Variants in ACSL1 observed in about 807,000 individuals in gnomAD.
The protein encoded by ACSL1 is acyl-CoA synthetase long chain family member 1.
ACSL1 carries 41 observed loss-of-function variants against 98.4 expected under a neutral mutation model. The ratio of observed to expected loss-of-function variants is 0.42; its 90% CI spans 0.32 to 0.54. ACSL1 has a LOEUF of 0.54. ACSL1 is among the 20% of genes least tolerant of loss of function. ACSL1 has a pLI of 0.13. For synonymous variants in ACSL1, 316 were observed against 322.7 expected (o/e 0.98, Z 0.22); for missense variants, 734 against 883.1 (o/e 0.83, Z 2.14).
chr4:184,768,581 G>C, intron 11 of ACSL1, 131 bp from the exon 12 acceptor site: 3 of 1,331,848 alleles, frequency 2.3e-6, no homozygotes, highest in South Asian at 1.5e-5. Context: ...CCTAAATATA[G>C]GTAACTTAAA....
intron 3 of ACSL1, among the ~76,000 whole-genome samples, chr4:184,785,834 T>C: frequency 6.6e-6 from 1 of 152,228 alleles, no homozygotes; most frequent in East Asian, 1.9e-4. Context: ...TCGATGAATG[T>C]ATATACATTT....
Position 184,757,213 on chromosome 4 carries a change from A to G in ACSL1, c.2009T>C (p.Leu670Pro), listed in dbSNP as rs760755050. Residue 670 changes from leucine (L) to proline (P), a missense_variant, in exon 21 of 21, where the codon CTG (leucine) becomes CCG (proline). Leu to Pro is a moderately conservative substitution (Grantham distance 98). Coordinates refer to ENST00000281455, the MANE Select transcript of ACSL1 (RefSeq NM_001995.5). This position sits in a 1 kb window ranked among gnomAD's most constrained non-coding sequence, Gnocchi z 4.5. Reference protein sequence around the residue: ...PELFSIDNGLLTPTMKAKRPE... With the variant: ...PELFSIDNGLPTPTMKAKRPE... The stretch of plus-strand genomic sequence containing the variant: ...CCTTTTCGCCTTCATTGTTGGAGTC[A>G]GAAGGCCATTGTCGATAGAAAATAA... The G allele has an allele frequency of 6.2e-7, 1 of 1,610,258 alleles. No homozygotes were observed. Among genetic ancestry groups the G allele is most frequent in the East Asian group, 2.2e-5 (1 of 44,738 alleles).
chr4:184,815,225 G>C (rs1170687157), intron 1 of ACSL1: 1 of 382,804 alleles, frequency 2.6e-6, no homozygotes, highest in Non-Finnish European at 5.3e-6. Context: ...GCAGAGACAG[G>C]AGTGGGTGGA....
At chr4:184,786,042 G>A (rs1767240198) in intron 3 of ACSL1, among the ~76,000 whole-genome samples, 2 of 152,146 alleles carry the variant, frequency 1.3e-5, no homozygotes, top group Admixed American at 6.5e-5. Flanking sequence ...GTGAGTATGA[G>A]TCTCCCTACG....
Position 184,788,675 on chromosome 4 carries a change from A to G in ACSL1, c.252T>C (p.Tyr84=), listed in dbSNP as rs908574354. ...ALLDSDEPLV[Y]FYDDVTTLYE... ...ATAATGTTGTGACATCATCATAGAA[A>G]TACACCAAGGGCTCGTCGCTGTCAA... is the stretch of plus-strand genomic sequence containing the variant. Residue 84 remains tyrosine, a synonymous_variant, in exon 3 of 21, where the codon TAT becomes TAC. Coordinates refer to ENST00000281455, the MANE Select transcript of ACSL1 (RefSeq NM_001995.5). 1.9e-6 allele frequency: 3 copies of G among 1,614,046 alleles called. No individual in the cohort carries two copies. Among genetic ancestry groups the G allele is most frequent in the Non-Finnish European group, 2.5e-6 (3 of 1,180,038 alleles).
chr4:184,812,332 C>A, intron 1 of ACSL1: 8 of 605,264 alleles, frequency 1.3e-5, no homozygotes, highest in Non-Finnish European at 1.7e-5. Flanking sequence ...CCGTGTCAGA[C>A]CCTCTGTGAT....
rs1454961354 is a variant in ACSL1 at position 184,757,940 on chromosome 4, G to C, written c.1783-20C>G. 6.2e-7 allele frequency: 1 copy of C among 1,601,414 alleles called. No individual in the cohort carries two copies. Among genetic ancestry groups the C allele is most frequent in the Admixed American group, 1.7e-5 (1 of 60,000 alleles). On this transcript the variant is annotated intron_variant, in intron 18 of 20. Coordinates refer to ENST00000281455, the MANE Select transcript of ACSL1 (RefSeq NM_001995.5). The surrounding 1 kb of genome is among the most constrained non-coding windows in gnomAD (Gnocchi z 4.5). Reference sequence around the variant, plus strand: ...AAATGCCTTTAACACAGACAAATGAGTTATTACATAGCTTGATCCAAATGC... The same window carrying C: ...AAATGCCTTTAACACAGACAAATGACTTATTACATAGCTTGATCCAAATGC...
At chr4:184,794,988 C>G (rs966046007) in intron 2 of ACSL1, among the ~76,000 whole-genome samples, 7 of 152,110 alleles carry the variant, frequency 4.6e-5, no homozygotes, top group Non-Finnish European at 7.4e-5. Flanking sequence ...CGCAAAACAT[C>G]TCATCACCAG....
At chr4:184,759,276 T>G (rs1300413068) in intron 18 of ACSL1, among the ~76,000 whole-genome samples, 2 of 152,150 alleles carry the variant, frequency 1.3e-5, no homozygotes, top group Non-Finnish European at 2.9e-5. Context: ...AGTAATGGGA[T>G]TGCTGGGTCA....
intron 1 of ACSL1, among the ~76,000 whole-genome samples, chr4:184,816,571 A>G (rs1017717749): frequency 1.3e-5 from 2 of 152,146 alleles, no homozygotes; most frequent in Admixed American, 1.3e-4. Context: ...TATTCCCTTT[A>G]TGTTTCACTT....
intron 2 of ACSL1, among the ~76,000 whole-genome samples, chr4:184,796,148 T>G (rs72695661): frequency 6.6e-6 from 1 of 152,098 alleles, no homozygotes; most frequent in Non-Finnish European, 1.5e-5. Context: ...GCAGAGGAAT[T>G]TGAAAAGACT....
chr4:184,777,086 A>G, intron 5 of ACSL1, 103 bp from the exon 6 acceptor site: 1 of 1,043,766 alleles, frequency 9.6e-7, no homozygotes, highest in East Asian at 2.6e-5. Context: ...CATTTGACGC[A>G]GCAAAATTAA....
Position 184,757,498 on chromosome 4 carries a change from C to T in ACSL1, c.1956+137G>A. On this transcript the variant is annotated intron_variant, in intron 20 of 20. Coordinates refer to ENST00000281455, the MANE Select transcript of ACSL1 (RefSeq NM_001995.5). This position sits in a 1 kb window ranked among gnomAD's most constrained non-coding sequence, Gnocchi z 4.5. ...AATGCTTTTGATTTAAAAACCTTTCCCCTGTCAAACTACTCCATTATTTAT... is the reference window on the plus strand; with the variant it reads ...AATGCTTTTGATTTAAAAACCTTTCTCCTGTCAAACTACTCCATTATTTAT... 3.1e-6 allele frequency: 3 copies of T among 970,852 alleles called. No individual in the cohort carries two copies. Among genetic ancestry groups the T allele is most frequent in the Non-Finnish European group, 4.6e-6 (3 of 648,800 alleles). 60.1% of individuals were successfully genotyped at this position (970,852 alleles called of 1,614,324 possible).
intron 1 of ACSL1, among the ~76,000 whole-genome samples, chr4:184,806,348 C>T (rs1223200952): frequency 2.0e-5 from 3 of 152,206 alleles, no homozygotes; most frequent in African/African-American, 7.2e-5. Flanking sequence ...AATGTGCAAA[C>T]TTGCCTTGCC....
At chr4:184,796,060 G>T (rs769751801) in intron 2 of ACSL1, among the ~76,000 whole-genome samples, 1 of 152,194 alleles carries the variant, frequency 6.6e-6, no homozygotes, top group African/African-American at 2.4e-5. Flanking sequence ...GAGTCAGTGG[G>T]CTGGGAAAGG....
chr4:184,814,876 T>C (rs960309971), intron 1 of ACSL1: 16 of 376,550 alleles, frequency 4.2e-5, no homozygotes, highest in African/African-American at 3.0e-4. Context: ...ACTTCCACTT[T>C]CGTGCCTCTT....
intron 1 of ACSL1, chr4:184,821,095 T>C (rs1437751436): frequency 1.5e-5 from 7 of 456,150 alleles, no homozygotes; most frequent in Admixed American, 7.0e-5. Context: ...TACTAATGAG[T>C]TAACCCATCA....
At chr4:184,776,415 GATAGCACGTGTGAGCCA>G in intron 7 of ACSL1, 52 bp downstream of exon 7, 1 of 1,541,030 alleles carries the variant, frequency 6.5e-7, no homozygotes, top group Middle Eastern at 2.4e-4. Flanking sequence ...GATAGCACTG[GATAGCACGTGTGAGCCA>G]ACACGGCCCC....
Position 184,797,599 on chromosome 4 carries a change from G to A in ACSL1, c.195+5721C>T, listed in dbSNP as rs150890366. 3.9e-5 allele frequency among the ~76,000 whole-genome samples: 6 copies of A among 152,298 alleles called. No homozygotes were observed. In the East Asian group the frequency reaches 1.2e-3, roughly 29 times the overall value. On this transcript the variant is annotated intron_variant, in intron 2 of 20. Coordinates refer to ENST00000281455, the MANE Select transcript of ACSL1 (RefSeq NM_001995.5). ...TTGTAAACCATGCTGTTGATTGAGC[G>A]TGGCTCCCACAGCCTGGATATGTTG...
Sources: allele counts gnomAD v4.1 joint callset (sites outside exome capture counted in the v4.1 genomes callset), GRCh38; gene constraint gnomAD v4.1.1; non-coding constraint Gnocchi (gnomAD v3.1); transcripts MANE v1.5; gene names NCBI Gene and HGNC (gene_info 2026-07-23, HGNC 2026-07-21).